Variants in VSNL1 observed in about 807,000 individuals in gnomAD.
VSNL1 encodes visinin like 1, also known as visinin-like protein 1.
VSNL1 carries 6 observed loss-of-function variants against 20.4 expected under a neutral mutation model. That is an observed-to-expected ratio of 0.29 (90% CI 0.16 to 0.58). The LOEUF is 0.58. Among genes scored for constraint, VSNL1 ranks in the 20% least tolerant of loss-of-function variants. The pLI is 0.90. For synonymous variants in VSNL1, 93 were observed against 86.4 expected, an observed-to-expected ratio of 1.08 and a Z score of -0.42; for missense variants, 100 against 234.5, an observed-to-expected ratio of 0.43 and a Z score of 3.75.
chr2:17,634,143 C>T lies in VSNL1; in HGVS notation c.163-15267C>T, dbSNP rs1005983593. ...GAAGGTGGAGGAGGGCATCAAAGAG[C>T]GTGCAGTAGAGAGGTTAAGGCCTAG... On this transcript the variant is annotated intron_variant, in intron 2 of 3. Transcript: ENST00000295156. This position sits in a 1 kb window ranked among gnomAD's most constrained non-coding sequence, Gnocchi z 4.3. Among the ~76,000 whole-genome samples the T allele has an allele frequency of 2.0e-4, 30 of 152,054 alleles. No homozygotes were observed. Among genetic ancestry groups the T allele is most frequent in the African/African-American group, 7.2e-4 (30 of 41,396 alleles).
At position 17,634,969 on chromosome 2, in the gene VSNL1, C is replaced by A. The variant is rs1469161478; in HGVS notation, c.163-14441C>A. ...GAACACACATACACACGTACACACA[C>A]ATACATGTGCACATACATACATACA... On this transcript the variant is annotated intron_variant, in intron 2 of 3. Coordinates refer to ENST00000295156, the MANE Select transcript of VSNL1 (RefSeq NM_003385.5). The surrounding 1 kb of genome is among the most constrained non-coding windows in gnomAD (Gnocchi z 4.3). Among the ~76,000 whole-genome samples the A allele has an allele frequency of 6.6e-6, 1 of 152,184 alleles. No homozygotes were observed. Among genetic ancestry groups the A allele is most frequent in the African/African-American group, 2.4e-5 (1 of 41,456 alleles).
intron 1 of VSNL1, among the ~76,000 whole-genome samples, chr2:17,578,774 T>A (rs1457691416): frequency 2.6e-5 from 4 of 152,268 alleles, no homozygotes; most frequent in Non-Finnish European, 5.9e-5. Flanking sequence ...AGTGCTTTGT[T>A]CCAGCCTTGC....
chr2:17,619,881 TC>T (rs112321369), intron 2 of VSNL1, among the ~76,000 whole-genome samples: 11,853 of 148,820 alleles, frequency 0.08, 1,330 homozygotes, highest in African/African-American at 0.26. Context: ...AAAAATGCAA[TC>T]CCCCCCCAAA....
intron 2 of VSNL1, among the ~76,000 whole-genome samples, chr2:17,640,300 A>G (rs532630567): frequency 6.6e-6 from 1 of 152,220 alleles, no homozygotes; most frequent in African/African-American, 2.4e-5. Context: ...AAAGCTTTGA[A>G]AAGATTAAAA....
intron 1 of VSNL1, among the ~76,000 whole-genome samples, chr2:17,588,923 C>T (rs1664535913): frequency 6.6e-6 from 1 of 152,072 alleles, no homozygotes. Flanking sequence ...ATTTGAGCAC[C>T]TAATAGGAGT....
At chr2:17,644,929 C>G (rs1000190261) in intron 2 of VSNL1, among the ~76,000 whole-genome samples, 7 of 152,290 alleles carry the variant, frequency 4.6e-5, no homozygotes, top group African/African-American at 1.4e-4. Flanking sequence ...ATAGGCCAGG[C>G]AAAATAGGCC....
At chr2:17,643,353 C>T (rs146237915) in intron 2 of VSNL1, among the ~76,000 whole-genome samples, 1 of 152,326 alleles carries the variant, frequency 6.6e-6, no homozygotes, top group East Asian at 1.9e-4. Context: ...TTCATCTCCT[C>T]ATGAGTCATC....
chr2:17,609,937 G>C (rs993001868), intron 2 of VSNL1, among the ~76,000 whole-genome samples: 4 of 152,206 alleles, frequency 2.6e-5, no homozygotes, highest in African/African-American at 9.7e-5. Flanking sequence ...CCCACATGGA[G>C]CCCGGCAGGC....
At chr2:17,602,529 G>T (rs528914789) in intron 2 of VSNL1, among the ~76,000 whole-genome samples, 117 of 152,274 alleles carry the variant, frequency 7.7e-4, no homozygotes, top group African/African-American at 2.8e-3. Flanking sequence ...GATCACCTGA[G>T]GCCAGGAGTT....
At chr2:17,601,441 G>A (rs958685556) in intron 2 of VSNL1, among the ~76,000 whole-genome samples, 3 of 151,914 alleles carry the variant, frequency 2.0e-5, no homozygotes, top group Admixed American at 6.6e-5. Flanking sequence ...TTTGAGACCA[G>A]CCTGGCCAAC....
intron 1 of VSNL1, among the ~76,000 whole-genome samples, chr2:17,551,896 T>TAAAAAA (rs34475496): frequency 8.6e-6 from 1 of 116,810 alleles, no homozygotes; most frequent in African/African-American, 3.3e-5. Flanking sequence ...GCAATTTTGT[T>TAAAAAA]AAAAAAAAAA....
intron 2 of VSNL1, among the ~76,000 whole-genome samples, chr2:17,648,918 GA>G (rs749553826): frequency 3.3e-4 from 50 of 152,248 alleles, no homozygotes; most frequent in Non-Finnish European, 6.0e-4. Context: ...CCAGGGAGGG[GA>G]TAAGTGTGGG....
intron 2 of VSNL1, among the ~76,000 whole-genome samples, chr2:17,648,086 T>A (rs904822385): frequency 2.0e-5 from 3 of 152,200 alleles, no homozygotes; most frequent in African/African-American, 7.2e-5. Flanking sequence ...TTGGGGTGAT[T>A]TGTTATATAG....
At chr2:17,622,519 AAAAGAAAGAAAGAAAAGAAAG>A (rs1665387989) in intron 2 of VSNL1, among the ~76,000 whole-genome samples, 2 of 121,184 alleles carry the variant, frequency 1.7e-5, no homozygotes, top group South Asian at 2.5e-4. Flanking sequence ...AGAAAGAAAG[AAAAGAAAGAAAGAAAAGAAAG>A]AAAGAAAGAA....
chr2:17,599,970 CA>C (rs746959810), intron 2 of VSNL1, among the ~76,000 whole-genome samples: 1 of 152,180 alleles, frequency 6.6e-6, no homozygotes, highest in Non-Finnish European at 1.5e-5. Context: ...AGGATCAGTT[CA>C]AAAGCTTCTC....
intron 1 of VSNL1, among the ~76,000 whole-genome samples, chr2:17,545,509 AGCTATGT>A (rs1558277168): frequency 6.6e-6 from 1 of 152,166 alleles, no homozygotes; most frequent in Non-Finnish European, 1.5e-5. Context: ...AGACTGTGGT[AGCTATGT>A]GCTCCACTTA....
At chr2:17,609,010 A>C (rs893273168) in intron 2 of VSNL1, among the ~76,000 whole-genome samples, 1 of 152,162 alleles carries the variant, frequency 6.6e-6, no homozygotes, top group East Asian at 1.9e-4. Context: ...ATGCACATAT[A>C]TATATTCAGT....
chr2:17,564,574 G>GT (rs146901638), intron 1 of VSNL1, among the ~76,000 whole-genome samples: 5,017 of 150,380 alleles, frequency 0.033, 86 homozygotes, highest in East Asian at 0.099. Flanking sequence ...TTCCAACTTT[G>GT]TTTTTTTTTC....
intron 2 of VSNL1, among the ~76,000 whole-genome samples, chr2:17,621,758 G>T (rs1201059153): frequency 6.6e-6 from 1 of 152,190 alleles, no homozygotes; most frequent in East Asian, 1.9e-4. Flanking sequence ...CTTCTGGGTA[G>T]CTGGGATTAT....
Sources: allele counts gnomAD v4.1 joint callset (sites outside exome capture counted in the v4.1 genomes callset), GRCh38; gene constraint gnomAD v4.1.1; non-coding constraint Gnocchi (gnomAD v3.1); transcripts MANE v1.5; gene names NCBI Gene and HGNC (gene_info 2026-07-23, HGNC 2026-07-21).